SYNE2: variants seen among roughly 807,000 people sequenced by gnomAD.
SYNE2 encodes the protein spectrin repeat containing nuclear envelope protein 2.
A neutral mutation model predicts 856.3 loss-of-function variants in SYNE2; 431 were observed. The ratio of observed to expected loss-of-function variants is 0.50; its 90% CI spans 0.47 to 0.55. The LOEUF is 0.55. Among genes scored for constraint, SYNE2 ranks in the 20% least tolerant of loss-of-function variants. The pLI, the probability that SYNE2 is intolerant of heterozygous loss-of-function variation, is 0.00. For missense variants in SYNE2, 8,129 were observed against 8,023.2 expected (o/e 1.01, Z -0.50); for synonymous variants, 2,923 against 2,872.3 (o/e 1.02, Z -0.56).
chr14:64,190,559 G>T (rs1263695601), intron 99 of SYNE2: 1 of 698,658 alleles, frequency 1.4e-6, no homozygotes, highest in East Asian at 2.7e-5. Flanking sequence ...GTTAGCATTT[G>T]TGTGTCCCCA....
At chr14:64,178,576 G>GC (rs139539461) in intron 96 of SYNE2, among the ~76,000 whole-genome samples, 5,986 of 151,704 alleles carry the variant, frequency 0.039, 394 homozygotes, top group African/African-American at 0.14. Flanking sequence ...TCCTACCTCA[G>GC]CCCCCCCGAG....
At position 64,177,381 on chromosome 14, in the gene SYNE2, A is replaced by T. The variant is rs1348538992; in HGVS notation, c.17454A>T (p.Lys5818Asn). 3.1e-6 allele frequency: 5 copies of T among 1,614,210 alleles called. No homozygotes were observed. Among genetic ancestry groups the T allele is most frequent in the Non-Finnish European group, 4.2e-6 (5 of 1,180,032 alleles). ...AGACCTGGGACCAGTGTGAAAAGAAAATCAAGGAGTTGAAAAGCAGGCTGC... is the reference window on the plus strand; with the variant it reads ...AGACCTGGGACCAGTGTGAAAAGAATATCAAGGAGTTGAAAAGCAGGCTGC... Reference protein sequence around the residue: ...TVETWDQCEKKIKELKSRLQV... With the variant: ...TVETWDQCEKNIKELKSRLQV... Residue 5818 changes from lysine (K) to asparagine (N), a missense_variant, in exon 96 of 116, where the codon AAA becomes AAT. Lys to Asn is a moderately conservative substitution (Grantham distance 94). Around this residue, in one of 3 missense-constraint regions of SYNE2, gnomAD observed 5,410 missense variants for 5,284.8 expected, o/e 1.02. Transcript: ENST00000555002.
Position 64,225,042 on chromosome 14 carries a change from G to A in SYNE2, c.20513G>A (p.Ser6838Asn). The change falls in exon 115 of 116, where the codon AGC (serine) becomes AAC (asparagine). Residue 6838 changes from serine (S) to asparagine (N), a missense_variant. By Grantham distance (46) the Ser-to-Asn change is conservative. Around this residue, in one of 3 missense-constraint regions of SYNE2, gnomAD observed 5,410 missense variants for 5,284.8 expected, o/e 1.02. Coordinates refer to ENST00000555002, the MANE Select transcript of SYNE2 (RefSeq NM_182914.3). ...RTTEGEEETE[S>N]RVPGSTRPQR... Reference sequence around the variant, plus strand: ...ACAGAAGGCGAGGAGGAGACAGAGAGCAGGTAACGGGGCTTTACCGTGACA... The same window carrying A: ...ACAGAAGGCGAGGAGGAGACAGAGAACAGGTAACGGGGCTTTACCGTGACA... The A allele has an allele frequency of 6.2e-7, 1 of 1,613,952 alleles. No individual in the cohort carries two copies. Among genetic ancestry groups the A allele is most frequent in the African/African-American group, 1.3e-5 (1 of 74,996 alleles).
intron 30 of SYNE2, 51 bp downstream of exon 30, chr14:64,003,381 T>G: frequency 6.2e-7 from 1 of 1,610,108 alleles, no homozygotes; most frequent in Non-Finnish European, 8.5e-7. Context: ...TCTTTCTGTA[T>G]TTTCACTTCT....
At position 64,012,634 on chromosome 14, in the gene SYNE2, T is replaced by C. The variant is rs137932453; in HGVS notation, c.4728+2518T>C. ...ACCTTTAAGAAGCAACAGTCCCAGC[T>C]TTCCTTATTTTATTAAAATGAGAAT... On this transcript the variant is annotated intron_variant, in intron 32 of 115. Coordinates refer to ENST00000555002, the MANE Select transcript of SYNE2 (RefSeq NM_182914.3). 1.5e-3 allele frequency among the ~76,000 whole-genome samples: 231 copies of C among 152,342 alleles called. 1 individual carries two copies. Among genetic ancestry groups the C allele is most frequent in the African/African-American group, 5.4e-3 (225 of 41,592 alleles).
chr14:63,859,254 A>T (rs1236247641), intron 1 of SYNE2, among the ~76,000 whole-genome samples: 3 of 152,174 alleles, frequency 2.0e-5, no homozygotes, highest in South Asian at 2.1e-4. Flanking sequence ...TATTAATTTT[A>T]TTGAACTCCA....
intron 2 of SYNE2, among the ~76,000 whole-genome samples, chr14:63,930,747 G>A (rs771613122): frequency 1.3e-5 from 2 of 152,064 alleles, no homozygotes; most frequent in Non-Finnish European, 2.9e-5. Context: ...TGTTGACCAG[G>A]CTGGTCTCAA....
chr14:64,175,201 T>G (rs1326415181), intron 95 of SYNE2, 63 bp downstream of exon 95: 1 of 1,585,472 alleles, frequency 6.3e-7, no homozygotes, highest in Non-Finnish European at 8.6e-7. Context: ...TTTTCATTTG[T>G]GGTGTGAAAA....
intron 1 of SYNE2, among the ~76,000 whole-genome samples, chr14:63,853,825 T>C (rs77692787): frequency 6.6e-6 from 1 of 152,240 alleles, no homozygotes; most frequent in Non-Finnish European, 1.5e-5. Context: ...TAATTCCATT[T>C]TGATTGCTTG....
intron 115 of SYNE2, 74 bp downstream of exon 115, chr14:64,225,119 A>C: frequency 6.3e-7 from 1 of 1,581,086 alleles, no homozygotes; most frequent in Non-Finnish European, 8.7e-7. Flanking sequence ...TGCCAATGCC[A>C]CTATCAAGGT....
At chr14:63,965,050 C>T (rs2096372210) in intron 10 of SYNE2, among the ~76,000 whole-genome samples, 1 of 150,652 alleles carries the variant, frequency 6.6e-6, no homozygotes, top group Non-Finnish European at 1.5e-5. Flanking sequence ...ACAACCTCTG[C>T]CTCCTGGGTT....
intron 45 of SYNE2, among the ~76,000 whole-genome samples, chr14:64,044,681 G>T (rs1172598229): frequency 1.3e-5 from 2 of 152,182 alleles, no homozygotes; most frequent in African/African-American, 2.4e-5. Flanking sequence ...GATCTTTCCT[G>T]TGCTGTTCTC....
Position 64,009,980 on chromosome 14 carries a change from GGA to G in SYNE2, c.4596_4597del (p.Arg1532SerfsTer12). On this transcript the variant is annotated frameshift_variant, in exon 32 of 116. Coordinates refer to ENST00000555002, the MANE Select transcript of SYNE2 (RefSeq NM_182914.3). LOFTEE classifies it high-confidence loss of function. The stretch of plus-strand genomic sequence containing the variant: ...TCTATTCTTAGTCTTGAACAATGTG[GGA>G]GAGTTTTGGAGCTCTTAAAACAATA... The G allele has an allele frequency of 6.2e-7, 1 of 1,613,658 alleles. No homozygotes were observed. The highest frequency in any genetic ancestry group is 8.5e-7 in the Non-Finnish European group (1 of 1,179,832).
At chr14:63,838,833 C>T (rs1272968960) in intron 1 of SYNE2, among the ~76,000 whole-genome samples, 2 of 151,606 alleles carry the variant, frequency 1.3e-5, no homozygotes, top group Non-Finnish European at 2.9e-5. Flanking sequence ...TTTGCAAATG[C>T]TCTAGCTATA....
At chr14:64,180,612 C>A (rs2098453427) in intron 96 of SYNE2, among the ~76,000 whole-genome samples, 1 of 151,888 alleles carries the variant, frequency 6.6e-6, no homozygotes, top group South Asian at 2.1e-4. Context: ...CAAGGGATTC[C>A]CCTGCCTCAG....
At chr14:64,102,917 G>A (rs117897393) in intron 64 of SYNE2, among the ~76,000 whole-genome samples, 6,488 of 152,004 alleles carry the variant, frequency 0.043, 198 homozygotes, top group Middle Eastern at 0.11. Context: ...ATCATTCTGT[G>A]CCTGGCTTAT....
At chr14:63,998,146 C>T (rs2096727221) in intron 25 of SYNE2, 73 bp from the exon 26 acceptor site, 3 of 1,067,002 alleles carry the variant, frequency 2.8e-6, no homozygotes, top group East Asian at 2.4e-5. Context: ...CATTTTTGAA[C>T]ATAAGCATTT....
chr14:64,196,369 C>T (rs1381138864), intron 99 of SYNE2, among the ~76,000 whole-genome samples: 1 of 152,180 alleles, frequency 6.6e-6, no homozygotes, highest in Non-Finnish European at 1.5e-5. Flanking sequence ...GAGGAATTTT[C>T]AGACACATTA....
rs371506443 is a variant in SYNE2, at chr14:64,003,004, G to A, written c.4071G>A (p.Thr1357=). Residue 1357 remains threonine, a synonymous_variant, in exon 30 of 116, where the codon ACG becomes ACA. Coordinates refer to ENST00000555002, the MANE Select transcript of SYNE2 (RefSeq NM_182914.3). ...ATACACAGGTGGCACAAGAAAATAC[G>A]TTGACAGTAAAAAATAAAGAGGGAG... The part of the protein sequence containing the change: ...ASDTQVAQEN[T]LTVKNKEGEI... The A allele has an allele frequency of 8.5e-5, 138 of 1,614,138 alleles. 1 individual carries two copies. In the Middle Eastern group the frequency reaches 0.01, roughly 120 times the overall value.
Sources: allele counts gnomAD v4.1 joint callset (sites outside exome capture counted in the v4.1 genomes callset), GRCh38; gene constraint gnomAD v4.1.1; regional missense constraint gnomAD v4.1.1; transcripts MANE v1.5; gene names NCBI Gene and HGNC (gene_info 2026-07-23, HGNC 2026-07-21).